CDKN2B-AS1: variants seen among roughly 807,000 people sequenced by gnomAD.
CDKN2B-AS1 encodes the protein CDKN2B and CDKN2A antisense cis and trans regulatory RNA 1, also known as CDKN2B antisense RNA 1 (non-protein coding).
At chr9:22,030,918 G>T (rs1483729138) in intron 1 of CDKN2B-AS1, 1 of 152,042 alleles carries the variant, frequency 6.6e-6, no homozygotes, top group Non-Finnish European at 1.5e-5. Flanking sequence ...ATTTAGAATT[G>T]AATTTTCAAG....
chr9:21,999,529 A>G lies in CDKN2B-AS1; in HGVS notation n.29+4368A>G, dbSNP rs986265318. Among the ~76,000 whole-genome samples, 3 of 151,948 alleles carry G rather than the reference A, an allele frequency of 2.0e-5. No individual in the cohort carries two copies. The highest frequency in any genetic ancestry group is 2.9e-5 in the Non-Finnish European group (2 of 67,922). On this transcript the variant is annotated intron_variant and non_coding_transcript_variant, in intron 1 of 4. Transcript: ENST00000650946. This position sits in a 1 kb window ranked among gnomAD's most constrained non-coding sequence, Gnocchi z 4.7. ...ACATATGTATATATGTATTTTATGT[A>G]TGGATACATATGTATATATGGATAG...
chr9:21,997,665 T>C lies in CDKN2B-AS1; in HGVS notation n.29+2504T>C, dbSNP rs928216386. 6.6e-6 allele frequency among the ~76,000 whole-genome samples: 1 copy of C among 152,140 alleles called. No individual in the cohort carries two copies. The highest frequency in any genetic ancestry group is 2.4e-5 in the African/African-American group (1 of 41,438). ...CCTTGAGGGACCTCAGTCATTTCTCTTAAGCTCTTCAACTGCTTGGATGAG... is the reference window on the plus strand; with the variant it reads ...CCTTGAGGGACCTCAGTCATTTCTCCTAAGCTCTTCAACTGCTTGGATGAG... On this transcript the variant is annotated intron_variant and non_coding_transcript_variant, in intron 1 of 4. Coordinates refer to ENST00000650946, the Ensembl canonical transcript of CDKN2B-AS1. The surrounding 1 kb of genome is among the most constrained non-coding windows in gnomAD (Gnocchi z 4.8).
chr9:22,006,266 T>A lies in CDKN2B-AS1; in HGVS notation n.29+11105T>A. On this transcript the variant is annotated intron_variant and non_coding_transcript_variant, in intron 1 of 4. Coordinates refer to ENST00000650946, the Ensembl canonical transcript of CDKN2B-AS1. This position sits in a 1 kb window ranked among gnomAD's most constrained non-coding sequence, Gnocchi z 6.4. ...TCATGACCTGCCAGAGAGAGCAGAG[T>A]GGTCAGAGCCAGGGTGGGGGCAGGT... 4 of 1,601,726 alleles carry A rather than the reference T, an allele frequency of 2.5e-6. No individual in the cohort carries two copies. The highest frequency in any genetic ancestry group is 3.4e-6 in the Non-Finnish European group (4 of 1,179,810).
chr9:22,125,070 C>T (rs1333013030), intron 4 of CDKN2B-AS1, among the ~76,000 whole-genome samples: 1 of 152,264 alleles, frequency 6.6e-6, no homozygotes, highest in African/African-American at 2.4e-5. Flanking sequence ...TGCACACACA[C>T]ATATGCTCAC....
intron 1 of CDKN2B-AS1, among the ~76,000 whole-genome samples, chr9:22,018,587 G>A (rs2131217504): frequency 6.6e-6 from 1 of 152,326 alleles, no homozygotes; most frequent in Middle Eastern, 3.4e-3. Context: ...AACCTGGGAG[G>A]CAGAGGTTGC....
At chr9:22,072,973 G>C (rs1824355759) in intron 4 of CDKN2B-AS1, among the ~76,000 whole-genome samples, 1 of 152,184 alleles carries the variant, frequency 6.6e-6, no homozygotes, top group Non-Finnish European at 1.5e-5. Flanking sequence ...GAAATCATGA[G>C]TGTGAAAGTT....
intron 4 of CDKN2B-AS1, among the ~76,000 whole-genome samples, chr9:22,123,203 C>T (rs568239040): frequency 2.0e-5 from 3 of 152,044 alleles, no homozygotes; most frequent in African/African-American, 2.4e-5. Flanking sequence ...ATATTGATAT[C>T]GTATTCTGCA....
intron 1 of CDKN2B-AS1, chr9:22,009,113 G>A: frequency 8.8e-7 from 1 of 1,138,858 alleles, no homozygotes; most frequent in Non-Finnish European, 1.3e-6. Flanking sequence ...CTGCGGCTTG[G>A]GGCCCCGTGC....
intron 4 of CDKN2B-AS1, among the ~76,000 whole-genome samples, chr9:22,064,996 T>C (rs1409283271): frequency 6.6e-6 from 1 of 152,216 alleles, no homozygotes; most frequent in Non-Finnish European, 1.5e-5. Context: ...ACCTTTGATG[T>C]ATTTCTCTTT....
intron 1 of CDKN2B-AS1, among the ~76,000 whole-genome samples, chr9:22,040,826 A>G (rs969412027): frequency 2.0e-5 from 3 of 152,054 alleles, no homozygotes; most frequent in African/African-American, 7.2e-5. Flanking sequence ...TCTTACTGAC[A>G]TTTCTGTCAG....
chr9:22,022,899 A>G (rs968773817), intron 1 of CDKN2B-AS1, among the ~76,000 whole-genome samples: 4 of 152,190 alleles, frequency 2.6e-5, no homozygotes, highest in African/African-American at 9.7e-5. Context: ...TAGTTTGACC[A>G]GATATAAAAT....
rs968261339 is a variant in CDKN2B-AS1 at position 21,999,778 on chromosome 9, T to C, written n.29+4617T>C. 6.6e-6 allele frequency among the ~76,000 whole-genome samples: 1 copy of C among 152,104 alleles called. No homozygotes were observed. The highest frequency in any genetic ancestry group is 1.5e-5 in the Non-Finnish European group (1 of 67,988). Reference sequence around the variant, plus strand: ...GCTCATTCATAAAATAATAAAACTGTGCATCCATAAACAATAATGAAGCAC... The same window carrying C: ...GCTCATTCATAAAATAATAAAACTGCGCATCCATAAACAATAATGAAGCAC... On this transcript the variant is annotated intron_variant and non_coding_transcript_variant, in intron 1 of 4. Transcript: ENST00000650946. The surrounding 1 kb of genome is among the most constrained non-coding windows in gnomAD (Gnocchi z 4.7).
At chr9:22,121,996 G>A (rs1826112909) in intron 4 of CDKN2B-AS1, among the ~76,000 whole-genome samples, 1 of 151,454 alleles carries the variant, frequency 6.6e-6, no homozygotes, top group South Asian at 2.1e-4. Flanking sequence ...GGTTGTACTA[G>A]TTTACGTTCC....
chr9:22,005,188 C>G lies in CDKN2B-AS1; in HGVS notation n.29+10027C>G, dbSNP rs1442434014. On this transcript the variant is annotated intron_variant and non_coding_transcript_variant, in intron 1 of 4. Transcript: ENST00000650946. The surrounding 1 kb of genome is among the most constrained non-coding windows in gnomAD (Gnocchi z 4.9). Reference sequence around the variant, plus strand: ...CCGTTACAATTGCTCTCACTCCACTCCACCACCTCATCCTGTGTAGTCTGC... The same window carrying G: ...CCGTTACAATTGCTCTCACTCCACTGCACCACCTCATCCTGTGTAGTCTGC... 1 of 233,388 alleles carries G rather than the reference C, an allele frequency of 4.3e-6. No homozygotes were observed. The highest frequency in any genetic ancestry group is 8.4e-6 in the Non-Finnish European group (1 of 118,370). The allele number at this position is 233,388 out of a possible 1,614,324, so 14.5% of individuals were successfully genotyped here.
intron 4 of CDKN2B-AS1, among the ~76,000 whole-genome samples, chr9:22,064,322 A>G (rs191113593): frequency 1.3e-5 from 2 of 152,294 alleles, no homozygotes; most frequent in East Asian, 1.9e-4. Flanking sequence ...TAAGGAGCCA[A>G]TAAATTGTCA....
intron 1 of CDKN2B-AS1, among the ~76,000 whole-genome samples, chr9:22,007,983 T>G (rs543007560): frequency 1.3e-5 from 2 of 152,150 alleles, no homozygotes; most frequent in African/African-American, 4.8e-5. Flanking sequence ...AGGTGAGTAC[T>G]GAATATGACC....
chr9:22,049,139 CT>C (rs1823231964), exon 3 of CDKN2B-AS1: 1 of 152,092 alleles, frequency 6.6e-6, no homozygotes, highest in Admixed American at 6.5e-5. Flanking sequence ...TGCTGGAATC[CT>C]TTCCCGAGTC....
At chr9:22,014,113 A>C (rs894113737) in intron 1 of CDKN2B-AS1, among the ~76,000 whole-genome samples, 23 of 152,056 alleles carry the variant, frequency 1.5e-4, no homozygotes, top group Non-Finnish European at 7.4e-5. Context: ...TGATATTCTA[A>C]TTTTACTATT....
intron 4 of CDKN2B-AS1, among the ~76,000 whole-genome samples, chr9:22,097,043 G>A (rs1189850651): frequency 6.6e-6 from 1 of 152,150 alleles, no homozygotes; most frequent in Non-Finnish European, 1.5e-5. Context: ...GTGGTCAGAT[G>A]CAGACCTGTC....
Sources: allele counts gnomAD v4.1 joint callset (sites outside exome capture counted in the v4.1 genomes callset), GRCh38; gene constraint gnomAD v4.1.1; non-coding constraint Gnocchi (gnomAD v3.1); transcripts MANE v1.5; gene names NCBI Gene and HGNC (gene_info 2026-07-23, HGNC 2026-07-21).